Variants in SORCS1 observed in about 807,000 individuals in gnomAD.
SORCS1 encodes sortilin related VPS10 domain containing receptor 1.
In SORCS1, 60 loss-of-function variants were observed where a neutral mutation model predicts 146.1. That is an observed-to-expected ratio of 0.41 (90% confidence interval 0.33 to 0.51). SORCS1 has a LOEUF of 0.51. SORCS1 is among the 20% of genes least tolerant of loss of function. The pLI is 0.21. For missense variants in SORCS1, 1,352 were observed against 1,487.6 expected (o/e 0.91, Z 1.50); for synonymous variants, 637 against 584.0 (o/e 1.09, Z -1.31).
chr10:106,647,382 T>A (rs1441470492), intron 18 of SORCS1, among the ~76,000 whole-genome samples: 1 of 42,152 alleles, frequency 2.4e-5, no homozygotes, highest in Non-Finnish European at 6.9e-5. Flanking sequence ...GATGCTATTA[T>A]AAATTTTACA....
intron 1 of SORCS1, among the ~76,000 whole-genome samples, chr10:107,015,575 T>C (rs1275314591): frequency 6.6e-6 from 1 of 152,200 alleles, no homozygotes; most frequent in Non-Finnish European, 1.5e-5. Flanking sequence ...ATTGATGCTG[T>C]ATATGAAAAC....
intron 1 of SORCS1, among the ~76,000 whole-genome samples, chr10:107,047,355 C>A (rs1273337664): frequency 1.3e-5 from 2 of 152,116 alleles, no homozygotes; most frequent in Admixed American, 1.3e-4. Flanking sequence ...ACAAAACTAC[C>A]ATAGTGGATG....
At chr10:106,676,631 CCTCT>C (rs1332330835) in intron 13 of SORCS1, among the ~76,000 whole-genome samples, 1 of 150,406 alleles carries the variant, frequency 6.6e-6, no homozygotes, top group East Asian at 1.9e-4. Flanking sequence ...TAAAACTCTC[CCTCT>C]CTCTCTCTCT....
At chr10:107,153,190 T>A (rs893707160) in intron 1 of SORCS1, among the ~76,000 whole-genome samples, 2 of 151,920 alleles carry the variant, frequency 1.3e-5, no homozygotes, top group Non-Finnish European at 2.9e-5. Context: ...TTTTTTTCCA[T>A]CTCTCCTTGT....
intron 2 of SORCS1, among the ~76,000 whole-genome samples, chr10:106,910,332 T>TATAGAG (rs144106953): frequency 4.7e-4 from 71 of 150,936 alleles, no homozygotes; most frequent in African/African-American, 1.6e-3. Flanking sequence ...TATATATATA[T>TATAGAG]AGAGAGTGAG....
intron 2 of SORCS1, among the ~76,000 whole-genome samples, chr10:106,914,908 G>A (rs1020638652): frequency 1.1e-4 from 17 of 152,030 alleles, no homozygotes; most frequent in African/African-American, 4.1e-4. Flanking sequence ...TACTCCCATT[G>A]GCTCCTTGCT....
At chr10:107,067,777 C>T (rs1048592323) in intron 1 of SORCS1, among the ~76,000 whole-genome samples, 3 of 152,144 alleles carry the variant, frequency 2.0e-5, no homozygotes, top group Admixed American at 6.5e-5. Flanking sequence ...CATTCAGTTT[C>T]CTCATCAGTG....
intron 1 of SORCS1, among the ~76,000 whole-genome samples, chr10:107,127,803 G>A (rs1966799025): frequency 6.6e-6 from 1 of 152,154 alleles, no homozygotes; most frequent in Admixed American, 6.5e-5. Context: ...TGAATGTGAG[G>A]CAAACTGAGA....
intron 5 of SORCS1, among the ~76,000 whole-genome samples, chr10:106,746,982 A>G (rs939744582): frequency 2.0e-5 from 3 of 152,220 alleles, no homozygotes; most frequent in Non-Finnish European, 4.4e-5. Context: ...ATATTCTAAC[A>G]GGTTTCATCC....
intron 2 of SORCS1, among the ~76,000 whole-genome samples, chr10:106,956,166 G>A (rs907820882): frequency 1.3e-5 from 2 of 151,542 alleles, no homozygotes; most frequent in African/African-American, 2.4e-5. Flanking sequence ...AGAGAGCCTC[G>A]TTCTGCAGAC....
intron 17 of SORCS1, among the ~76,000 whole-genome samples, chr10:106,664,939 A>C (rs983201825): frequency 1.1e-4 from 17 of 152,072 alleles, no homozygotes; most frequent in Non-Finnish European, 2.2e-4. Context: ...TTCCCCATTA[A>C]GTTTAGTTAT....
At chr10:107,111,726 T>C (rs1965714936) in intron 1 of SORCS1, among the ~76,000 whole-genome samples, 2 of 152,212 alleles carry the variant, frequency 1.3e-5, no homozygotes, top group South Asian at 2.1e-4. Flanking sequence ...TCATGAAATT[T>C]AAAGGATCCC....
intron 5 of SORCS1, among the ~76,000 whole-genome samples, chr10:106,759,289 A>C (rs1858897831): frequency 6.6e-6 from 1 of 152,186 alleles, no homozygotes; most frequent in Non-Finnish European, 1.5e-5. Flanking sequence ...CCCTCATTAC[A>C]GGGAGATCAT....
intron 5 of SORCS1, among the ~76,000 whole-genome samples, chr10:106,743,571 C>T (rs1466917622): frequency 6.6e-6 from 1 of 152,072 alleles, no homozygotes; most frequent in Non-Finnish European, 1.5e-5. Flanking sequence ...ACTACAGGTG[C>T]ATACCACCGT....
chr10:106,989,482 T>C (rs1045121894), intron 1 of SORCS1, among the ~76,000 whole-genome samples: 4 of 151,860 alleles, frequency 2.6e-5, no homozygotes, highest in Non-Finnish European at 5.9e-5. Flanking sequence ...CAGGGCACTT[T>C]TGACACTTTA....
chr10:107,049,121 A>G (rs1215139496), intron 1 of SORCS1, among the ~76,000 whole-genome samples: 13 of 151,562 alleles, frequency 8.6e-5, no homozygotes, highest in Non-Finnish European at 1.6e-4. Flanking sequence ...TTGTAGGGAC[A>G]TGGATGAAAT....
chr10:107,020,585 A>G (rs1304003164), intron 1 of SORCS1, among the ~76,000 whole-genome samples: 1 of 152,230 alleles, frequency 6.6e-6, no homozygotes, highest in Non-Finnish European at 1.5e-5. Flanking sequence ...AGGTGCTTTC[A>G]GGGAATTCTG....
At position 106,668,820 on chromosome 10, in the gene SORCS1, G is replaced by A. The variant is rs112602440; in HGVS notation, c.2190-1018C>T. On this transcript the variant is annotated intron_variant, in intron 16 of 25. Transcript: ENST00000263054. ...TGTTTGCTTCAGGAAGTTACTTTACGAATGCTGGAGAGGGACAGGCAAGGT... is the reference window on the plus strand; with the variant it reads ...TGTTTGCTTCAGGAAGTTACTTTACAAATGCTGGAGAGGGACAGGCAAGGT... 2.5e-3 allele frequency among the ~76,000 whole-genome samples: 377 copies of A among 152,220 alleles called. 4 individuals carry two copies. The highest frequency in any genetic ancestry group is 8.6e-3 in the African/African-American group (356 of 41,536).
intron 1 of SORCS1, among the ~76,000 whole-genome samples, chr10:107,030,506 A>AAAATCAC (rs1958600374): frequency 6.6e-6 from 1 of 152,218 alleles, no homozygotes; most frequent in Non-Finnish European, 1.5e-5. Context: ...TGGACAAAGG[A>AAAATCAC]AAATCACAAA....
Sources: gnomAD v4.1 joint callset for allele counts (sites outside exome capture counted in the v4.1 genomes callset) on GRCh38, gnomAD v4.1.1 for gene constraint, MANE v1.5 for transcripts, NCBI Gene and HGNC (gene_info 2026-07-23, HGNC 2026-07-21) for gene names.